The following MAP4K5 variants were observed in gnomAD, a reference collection of about 807,000 sequenced individuals.
The protein encoded by MAP4K5 is MAPK/ERK kinase kinase kinase 5.
A neutral mutation model predicts 135.6 loss-of-function variants in MAP4K5; 82 were observed. The observed-to-expected ratio is 0.60, with a 90% CI of 0.51 to 0.73. MAP4K5 has a LOEUF of 0.73. Ranked by LOEUF, MAP4K5 falls within the 30% of genes least tolerant of loss-of-function variation. The probability of loss-of-function intolerance (pLI) is 0.00; values close to 1 mark genes in which losing one functional copy is unlikely to be tolerated. For missense variants in MAP4K5, 907 were observed against 1,010.9 expected, an observed-to-expected ratio of 0.90 and a Z score of 1.39; for synonymous variants, 347 against 335.0, an observed-to-expected ratio of 1.04 and a Z score of -0.39.
chr14:50,443,180 ACT>A (rs956759721), intron 20 of MAP4K5, among the ~76,000 whole-genome samples: 1 of 152,162 alleles, frequency 6.6e-6, no homozygotes, highest in African/African-American at 2.4e-5. Flanking sequence ...TTGCAGTATA[ACT>A]CTTTAATAGT....
chr14:50,471,431 T>A (rs2036960240), intron 9 of MAP4K5, among the ~76,000 whole-genome samples: 1 of 152,020 alleles, frequency 6.6e-6, no homozygotes, highest in African/African-American at 2.4e-5. Flanking sequence ...GTAAGAAACA[T>A]GAGAAAACAT....
rs528810348 is a variant in MAP4K5 at position 50,482,747 on chromosome 14, A to G, written c.323-331T>C. 8 of 176,794 alleles carry G rather than the reference A, an allele frequency of 4.5e-5. No individual in the cohort carries two copies. The East Asian group carries it at 1.2e-3, about 27-fold the overall frequency. The allele number at this position is 176,794 out of a possible 1,614,324, so 11.0% of individuals were successfully genotyped here. On this transcript the variant is annotated intron_variant, in intron 5 of 32. Transcript: ENST00000682126. Reference sequence around the variant, plus strand: ...AGCTGAGATCACACCACCGCACTCCAGCCTGGCGGCAGAACGAGACTCGGT... The same window carrying G: ...AGCTGAGATCACACCACCGCACTCCGGCCTGGCGGCAGAACGAGACTCGGT...
intron 31 of MAP4K5, among the ~76,000 whole-genome samples, chr14:50,424,033 CTT>C (rs1218149262): frequency 1.3e-5 from 2 of 152,016 alleles, no homozygotes; most frequent in African/African-American, 4.8e-5. Flanking sequence ...TTTTGCCCCT[CTT>C]TATTCTCCAT....
At chr14:50,433,429 G>T (rs1389553563) in intron 28 of MAP4K5, among the ~76,000 whole-genome samples, 2 of 152,170 alleles carry the variant, frequency 1.3e-5, no homozygotes, top group Non-Finnish European at 2.9e-5. Flanking sequence ...TTGGCCATGG[G>T]TGGAGTATTT....
intron 2 of MAP4K5, among the ~76,000 whole-genome samples, chr14:50,539,875 G>C (rs1160777141): frequency 6.6e-6 from 1 of 152,068 alleles, no homozygotes; most frequent in Non-Finnish European, 1.5e-5. Flanking sequence ...GAATTTCCCT[G>C]GCATACTGTA....
At chr14:50,469,994 T>A (rs1341050716) in intron 9 of MAP4K5, among the ~76,000 whole-genome samples, 1 of 152,214 alleles carries the variant, frequency 6.6e-6, no homozygotes, top group African/African-American at 2.4e-5. Context: ...AGATGTGTAC[T>A]ATATGCAAGT....
intron 2 of MAP4K5, among the ~76,000 whole-genome samples, chr14:50,530,349 C>T (rs1318535097): frequency 6.6e-6 from 1 of 152,112 alleles, no homozygotes; most frequent in Non-Finnish European, 1.5e-5. Context: ...TTAGTTACTA[C>T]ATCTATGAAG....
chr14:50,422,143 G>A (rs2035748866), intron 32 of MAP4K5, among the ~76,000 whole-genome samples: 1 of 152,130 alleles, frequency 6.6e-6, no homozygotes, highest in East Asian at 1.9e-4. Flanking sequence ...CACTGTGCCC[G>A]GCCCACAGTT....
intron 9 of MAP4K5, among the ~76,000 whole-genome samples, chr14:50,470,615 CAA>C (rs1165894918): frequency 6.6e-6 from 1 of 151,270 alleles, no homozygotes. Flanking sequence ...TGATCCCACT[CAA>C]AGAGAGTTCC....
intron 4 of MAP4K5, 132 bp from the exon 5 acceptor site, chr14:50,485,774 C>G (rs2037350664): frequency 1.6e-6 from 1 of 608,410 alleles, no homozygotes; most frequent in African/African-American, 1.9e-5. Flanking sequence ...GCTATGTAAT[C>G]TTGCTACAAT....
intron 13 of MAP4K5, among the ~76,000 whole-genome samples, chr14:50,460,837 T>C (rs1012998320): frequency 2.6e-5 from 4 of 152,170 alleles, no homozygotes; most frequent in African/African-American, 9.7e-5. Context: ...TGCCTGGATC[T>C]AAATCCTGGT....
At chr14:50,497,606 C>T (rs182860356) in intron 3 of MAP4K5, among the ~76,000 whole-genome samples, 3 of 152,100 alleles carry the variant, frequency 2.0e-5, no homozygotes, top group Non-Finnish European at 4.4e-5. Context: ...TGGTTTAAAC[C>T]TCCGTATAGT....
rs763487710 is a variant in MAP4K5, at chr14:50,486,109, A to G, written c.252T>C (p.Tyr84=). 5 of 1,275,174 alleles carry G rather than the reference A, an allele frequency of 3.9e-6. No individual in the cohort carries two copies. Among genetic ancestry groups the G allele is most frequent in the East Asian group, 5.0e-5 (2 of 39,612 alleles). 79.0% of individuals were successfully genotyped at this position (1,275,174 alleles called of 1,614,324 possible). A position where few individuals can be genotyped will look rare whatever the true frequency, so the allele number is the denominator to read the frequency against. Residue 84 remains tyrosine, a synonymous_variant, in exon 4 of 33, where the codon TAT becomes TAC. Transcript: ENST00000682126. ...GATGCTTTTTTTTCTCTTACCTAAG[A>G]TAACTCCCAAAGTAGGCAACGATGT... is the stretch of plus-strand genomic sequence containing the variant. ...HCNIVAYFGS[Y]LSREKLWICM... is the part of the protein sequence containing the mutation.
At chr14:50,466,073 C>CA (rs1020164485) in intron 11 of MAP4K5, among the ~76,000 whole-genome samples, 6 of 150,962 alleles carry the variant, frequency 4.0e-5, no homozygotes, top group Non-Finnish European at 5.9e-5. Flanking sequence ...ACTCCGTCTC[C>CA]ACAAAAAAGA....
rs550930183 is a variant in MAP4K5, at chr14:50,484,789, T to G, written c.322+789A>C. Among the ~76,000 whole-genome samples the G allele has an allele frequency of 4.3e-4, 65 of 152,314 alleles. 1 individual carries two copies. The Middle Eastern group carries it at 0.031, about 72-fold the overall frequency. On this transcript the variant is annotated intron_variant, in intron 5 of 32. Transcript: ENST00000682126. The stretch of plus-strand genomic sequence containing the variant: ...GTGAAATAGCACTTCTGTTTTTATA[T>G]CTACTGTGGCTGCATTTGTAAACTG...
At chr14:50,478,364 T>A (rs2037154594) in intron 6 of MAP4K5, among the ~76,000 whole-genome samples, 1 of 152,138 alleles carries the variant, frequency 6.6e-6, no homozygotes, top group African/African-American at 2.4e-5. Flanking sequence ...GATTTTTATT[T>A]CACTGACATT....
chr14:50,431,244 T>A (rs1001697591), intron 28 of MAP4K5, among the ~76,000 whole-genome samples: 1 of 152,108 alleles, frequency 6.6e-6, no homozygotes, highest in Non-Finnish European at 1.5e-5. Context: ...GTTTTATCTT[T>A]TTTATTTATT....
At chr14:50,498,488 G>A (rs777462649) in intron 3 of MAP4K5, among the ~76,000 whole-genome samples, 3 of 152,100 alleles carry the variant, frequency 2.0e-5, no homozygotes, top group Non-Finnish European at 2.9e-5. Context: ...ATATTTTTGT[G>A]GCTAATTAAT....
At chr14:50,485,512 G>T in intron 5 of MAP4K5, 66 bp downstream of exon 5, 1 of 1,031,498 alleles carries the variant, frequency 9.7e-7, no homozygotes, top group Non-Finnish European at 1.5e-6. Flanking sequence ...GTGGTTAACT[G>T]GAAATATCGA....
Sources: gnomAD v4.1 joint callset for allele counts (sites outside exome capture counted in the v4.1 genomes callset) on GRCh38, gnomAD v4.1.1 for gene constraint, MANE v1.5 for transcripts, NCBI Gene and HGNC (gene_info 2026-07-23, HGNC 2026-07-21) for gene names.